Variants in DCC observed in about 807,000 individuals in gnomAD.
The protein encoded by DCC is netrin receptor DCC.
A neutral mutation model predicts 172.5 loss-of-function variants in DCC; 58 were observed. The ratio of observed to expected loss-of-function variants is 0.34; its 90% CI spans 0.27 to 0.42. The LOEUF is 0.42. Ranked by LOEUF, DCC falls within the 10% of genes least tolerant of loss-of-function variation. DCC has a pLI of 1.00. For synonymous variants in DCC, 709 were observed against 644.5 expected, an observed-to-expected ratio of 1.10 and a Z score of -1.52; for missense variants, 1,740 against 1,791.0, an observed-to-expected ratio of 0.97 and a Z score of 0.51.
At chr18:53,327,695 C>T (rs188705234) in intron 14 of DCC, among the ~76,000 whole-genome samples, 46 of 152,190 alleles carry the variant, frequency 3.0e-4, no homozygotes, top group African/African-American at 1.0e-3. Flanking sequence ...AATGGGTTCG[C>T]TGCAAATTCA....
intron 2 of DCC, among the ~76,000 whole-genome samples, chr18:52,810,377 C>A (rs1033888254): frequency 1.3e-5 from 2 of 152,120 alleles, no homozygotes; most frequent in African/African-American, 4.8e-5. Context: ...CCTTGCTCAG[C>A]CATGCTATTA....
chr18:52,424,958 G>T lies in DCC; in HGVS notation c.91+84080G>T, dbSNP rs555125607. On this transcript the variant is annotated intron_variant, in intron 1 of 28. Coordinates refer to ENST00000442544, the MANE Select transcript of DCC (RefSeq NM_005215.4). ...TCTTTTTATTTGTTTAATTTCATGGGGGTACAAGTATAATTTTGTTACATG... is the reference window on the plus strand; with the variant it reads ...TCTTTTTATTTGTTTAATTTCATGGTGGTACAAGTATAATTTTGTTACATG... Among the ~76,000 whole-genome samples, 4 of 151,406 alleles carry T rather than the reference G, an allele frequency of 2.6e-5. No individual in the cohort carries two copies. The South Asian group carries it at 8.4e-4, about 32-fold the overall frequency.
intron 2 of DCC, among the ~76,000 whole-genome samples, chr18:52,895,197 A>C (rs1277610107): frequency 6.6e-6 from 1 of 152,262 alleles, no homozygotes; most frequent in Non-Finnish European, 1.5e-5. Flanking sequence ...GCATACTTCC[A>C]AGTAGGCCCA....
At chr18:53,167,191 A>G (rs2054934739) in intron 8 of DCC, among the ~76,000 whole-genome samples, 1 of 152,132 alleles carries the variant, frequency 6.6e-6, no homozygotes, top group Admixed American at 6.6e-5. Context: ...AAATGTTAAC[A>G]CTCTGAGGCA....
chr18:53,396,297 T>C (rs11874642), intron 17 of DCC, among the ~76,000 whole-genome samples: 64,616 of 152,024 alleles, frequency 0.43, 15,506 homozygotes, highest in Non-Finnish European at 0.55. Context: ...ATAAGAGGAA[T>C]AGTCCCATTT....
chr18:52,635,000 G>A (rs947758927), intron 1 of DCC, among the ~76,000 whole-genome samples: 1 of 151,926 alleles, frequency 6.6e-6, no homozygotes, highest in African/African-American at 2.4e-5. Context: ...TATAAGATAG[G>A]GTCATGAAAA....
intron 5 of DCC, among the ~76,000 whole-genome samples, chr18:53,006,081 G>C (rs2143860499): frequency 6.6e-6 from 1 of 152,292 alleles, no homozygotes; most frequent in South Asian, 2.1e-4. Flanking sequence ...CATTTTTGCA[G>C]TCCACATATA....
At chr18:52,838,240 G>A (rs1194545957) in intron 2 of DCC, among the ~76,000 whole-genome samples, 2 of 152,042 alleles carry the variant, frequency 1.3e-5, no homozygotes, top group Non-Finnish European at 1.5e-5. Context: ...TTTAGAGGGG[G>A]TATTATACTT....
chr18:52,555,975 C>T (rs770292670), intron 1 of DCC, among the ~76,000 whole-genome samples: 27 of 152,106 alleles, frequency 1.8e-4, no homozygotes, highest in Non-Finnish European at 3.8e-4. Flanking sequence ...TGCTCTAATA[C>T]TGAGATATCT....
intron 1 of DCC, among the ~76,000 whole-genome samples, chr18:52,615,650 G>A (rs2034366724): frequency 6.6e-6 from 1 of 152,116 alleles, no homozygotes; most frequent in African/African-American, 2.4e-5. Flanking sequence ...TCTATATGTA[G>A]CAGGATGGGG....
chr18:52,655,969 T>A (rs2035235612), intron 1 of DCC, among the ~76,000 whole-genome samples: 1 of 139,368 alleles, frequency 7.2e-6, no homozygotes. Flanking sequence ...TGTGTGTGTG[T>A]GTGTGTGTGT....
Position 53,531,058 on chromosome 18 carries a change from C to T in DCC, c.*405C>T, listed in dbSNP as rs778773520. Reference sequence around the variant, plus strand: ...GTGCATTATTTAAGCCTGTACCATGCCATGGCAAACCAGTGCAAGCTCACT... The same window carrying T: ...GTGCATTATTTAAGCCTGTACCATGTCATGGCAAACCAGTGCAAGCTCACT... On this transcript the variant is annotated 3_prime_UTR_variant, in exon 29 of 29. Transcript: ENST00000442544. The T allele has an allele frequency of 3.5e-5, 9 of 256,476 alleles. No individual in the cohort carries two copies. The highest frequency in any genetic ancestry group is 6.2e-5 in the Non-Finnish European group (8 of 129,782). The allele number at this position is 256,476 out of a possible 1,614,324, so 15.9% of individuals were successfully genotyped here.
chr18:53,191,959 G>A (rs1010035888), intron 9 of DCC, among the ~76,000 whole-genome samples: 30 of 152,138 alleles, frequency 2.0e-4, no homozygotes, highest in African/African-American at 7.0e-4. Flanking sequence ...TCTGTGAGAC[G>A]ATTTACTGCT....
intron 5 of DCC, among the ~76,000 whole-genome samples, chr18:53,047,469 T>A: frequency 1.7e-5 from 1 of 58,294 alleles, no homozygotes; most frequent in African/African-American, 7.1e-5. Flanking sequence ...ATATACCATT[T>A]TTGCTATTGA....
chr18:52,729,347 C>T (rs2036600232), intron 1 of DCC, among the ~76,000 whole-genome samples: 1 of 152,082 alleles, frequency 6.6e-6, no homozygotes, highest in African/African-American at 2.4e-5. Context: ...GCAACCTCTG[C>T]CTCCTGGGTT....
intron 27 of DCC, among the ~76,000 whole-genome samples, chr18:53,502,361 C>A (rs2046112066): frequency 6.6e-6 from 1 of 152,178 alleles, no homozygotes; most frequent in Non-Finnish European, 1.5e-5. Context: ...TGTCTTACCT[C>A]ATGATTTTCA....
chr18:53,200,063 G>T (rs759674966), intron 9 of DCC, among the ~76,000 whole-genome samples: 2 of 152,214 alleles, frequency 1.3e-5, no homozygotes, highest in Non-Finnish European at 2.9e-5. Flanking sequence ...GCATCCTGTT[G>T]TTGTGAATAC....
At chr18:53,268,916 G>A (rs1225692495) in intron 12 of DCC, among the ~76,000 whole-genome samples, 1 of 152,170 alleles carries the variant, frequency 6.6e-6, no homozygotes, top group African/African-American at 2.4e-5. Context: ...CTTTGGGATA[G>A]AAGGCAATTG....
chr18:53,247,017 A>G (rs546565817), intron 12 of DCC, among the ~76,000 whole-genome samples: 1 of 152,110 alleles, frequency 6.6e-6, no homozygotes, highest in Admixed American at 6.6e-5. Flanking sequence ...AACATTGGAG[A>G]TCTAGTCAAA....
Sources: allele counts gnomAD v4.1 joint callset (sites outside exome capture counted in the v4.1 genomes callset), GRCh38; gene constraint gnomAD v4.1.1; transcripts MANE v1.5; gene names NCBI Gene and HGNC (gene_info 2026-07-23, HGNC 2026-07-21).